The following CDH13 variants were observed in gnomAD, a reference collection of about 807,000 sequenced individuals.
The protein encoded by CDH13 is cadherin 13, also known as cadherin-13.
In CDH13, 24 loss-of-function variants were observed where a neutral mutation model predicts 63.8. The observed-to-expected ratio is 0.38, with a 90% CI of 0.27 to 0.53. The LOEUF (loss-of-function observed/expected upper bound fraction) is 0.53. Among genes scored for constraint, CDH13 ranks in the 20% least tolerant of loss-of-function variants. The pLI, the probability that CDH13 is intolerant of heterozygous loss-of-function variation, is 0.85. For missense variants in CDH13, 1,049 were observed against 903.1 expected, an observed-to-expected ratio of 1.16 and a Z score of -2.07; for synonymous variants, 503 against 355.3, an observed-to-expected ratio of 1.42 and a Z score of -4.67.
chr16:83,621,052 A>G lies in CDH13; in HGVS notation c.1101+18458A>G, dbSNP rs199943662. On this transcript the variant is annotated intron_variant, in intron 8 of 13. Transcript: ENST00000567109. ...CACGCCCTCGAGCCCTCCTCCTGCCAGCACTGAGACAGGTACCATGATCGT... is the reference window on the plus strand; with the variant it reads ...CACGCCCTCGAGCCCTCCTCCTGCCGGCACTGAGACAGGTACCATGATCGT... 2.0e-5 allele frequency among the ~76,000 whole-genome samples: 3 copies of G among 152,274 alleles called. No homozygotes were observed. In the East Asian group the frequency reaches 5.8e-4, roughly 29 times the overall value.
chr16:83,766,915 G>C (rs1449689701), intron 11 of CDH13, among the ~76,000 whole-genome samples: 1 of 152,126 alleles, frequency 6.6e-6, no homozygotes, highest in African/African-American at 2.4e-5. Context: ...ACTCTGTGCT[G>C]CCACCCTGTG....
intron 2 of CDH13, among the ~76,000 whole-genome samples, chr16:83,029,018 T>A (rs1916071067): frequency 6.6e-6 from 1 of 152,226 alleles, no homozygotes; most frequent in African/African-American, 2.4e-5. Flanking sequence ...AGCCTCAGTT[T>A]CCTTATCTAG....
intron 2 of CDH13, among the ~76,000 whole-genome samples, chr16:82,885,098 C>G (rs966414520): frequency 6.6e-6 from 1 of 152,162 alleles, no homozygotes; most frequent in African/African-American, 2.4e-5. Flanking sequence ...TTGTTCAGCT[C>G]TTGTTCTACC....
chr16:82,976,648 C>G (rs1344744641), intron 2 of CDH13, among the ~76,000 whole-genome samples: 1 of 152,134 alleles, frequency 6.6e-6, no homozygotes, highest in African/African-American at 2.4e-5. Context: ...TGCAGATGTG[C>G]AAATGGTGGA....
chr16:83,258,991 T>C (rs541824043), intron 5 of CDH13, among the ~76,000 whole-genome samples: 1 of 152,314 alleles, frequency 6.6e-6, no homozygotes, highest in Admixed American at 6.5e-5. Context: ...AAAGGAGGCT[T>C]GTGTGCTATG....
At chr16:83,068,946 T>C (rs1189731411) in intron 3 of CDH13, among the ~76,000 whole-genome samples, 1 of 152,174 alleles carries the variant, frequency 6.6e-6, no homozygotes, top group East Asian at 1.9e-4. Context: ...ATGTTTTCAC[T>C]ATGAAGGTTT....
chr16:83,392,528 T>C (rs2091808287), intron 6 of CDH13, among the ~76,000 whole-genome samples: 1 of 152,200 alleles, frequency 6.6e-6, no homozygotes, highest in South Asian at 2.1e-4. Context: ...AAACTGTTTC[T>C]TTGTGACCAC....
chr16:83,505,368 G>C (rs2074371697), intron 7 of CDH13, among the ~76,000 whole-genome samples: 1 of 151,996 alleles, frequency 6.6e-6, no homozygotes, highest in African/African-American at 2.4e-5. Context: ...ATCTTGAAAG[G>C]CCAGTGGAAA....
chr16:83,657,022 A>G (rs968355799), intron 8 of CDH13, among the ~76,000 whole-genome samples: 3 of 152,210 alleles, frequency 2.0e-5, no homozygotes, highest in South Asian at 2.1e-4. Context: ...CTTCAGGTAC[A>G]GTAAACTCAG....
intron 7 of CDH13, among the ~76,000 whole-genome samples, chr16:83,492,678 A>G (rs774953783): frequency 2.4e-4 from 36 of 152,242 alleles, no homozygotes; most frequent in Admixed American, 4.6e-4. Context: ...AAAAGGCAGA[A>G]TGCTAAGTCC....
chr16:83,465,319 G>A (rs1277021880), intron 6 of CDH13, among the ~76,000 whole-genome samples: 2 of 152,198 alleles, frequency 1.3e-5, no homozygotes, highest in Non-Finnish European at 2.9e-5. Flanking sequence ...TGAGCTTCTA[G>A]AATTACAAGA....
intron 2 of CDH13, among the ~76,000 whole-genome samples, chr16:82,929,357 G>T (rs1468546283): frequency 6.6e-6 from 1 of 151,862 alleles, no homozygotes; most frequent in Non-Finnish European, 1.5e-5. Flanking sequence ...ACTACATGAG[G>T]ACACAATGAA....
At chr16:83,252,224 C>G (rs1905655034) in intron 5 of CDH13, among the ~76,000 whole-genome samples, 1 of 148,784 alleles carries the variant, frequency 6.7e-6, no homozygotes, top group South Asian at 2.1e-4. Flanking sequence ...TAAGATTTGA[C>G]TGGCATTTTT....
At chr16:83,252,110 A>G (rs1905625586) in intron 5 of CDH13, among the ~76,000 whole-genome samples, 1 of 73,906 alleles carries the variant, frequency 1.4e-5, no homozygotes, top group Non-Finnish European at 2.5e-5. Flanking sequence ...TATATTATAC[A>G]CACACACACA....
At chr16:83,124,090 G>T (rs553377675) in intron 3 of CDH13, among the ~76,000 whole-genome samples, 1 of 152,144 alleles carries the variant, frequency 6.6e-6, no homozygotes, top group Admixed American at 6.5e-5. Flanking sequence ...CTGTCACCCA[G>T]GATGGAGTTC....
chr16:83,799,893 A>T lies in CDH13; in HGVS notation c.*4863A>T, dbSNP rs983098631. ...ACAAGACATGGAGAGACAGCAAAAAATGGTGGGAATGGGTGTGTGTATGAG... is the reference window on the plus strand; with the variant it reads ...ACAAGACATGGAGAGACAGCAAAAATTGGTGGGAATGGGTGTGTGTATGAG... On this transcript the variant is annotated 3_prime_UTR_variant, in exon 14 of 14. Coordinates refer to ENST00000567109, the MANE Select transcript of CDH13 (RefSeq NM_001257.5). The T allele has an allele frequency of 6.6e-6, 1 of 152,182 alleles. No individual in the cohort carries two copies. Among genetic ancestry groups the T allele is most frequent in the African/African-American group, 2.4e-5 (1 of 41,442 alleles). The allele number at this position is 152,182 out of a possible 1,614,324, so 9.4% of individuals were successfully genotyped here.
intron 6 of CDH13, among the ~76,000 whole-genome samples, chr16:83,442,889 A>G (rs2072522013): frequency 1.3e-5 from 2 of 152,232 alleles, no homozygotes; most frequent in East Asian, 1.9e-4. Context: ...GTCAAATGCT[A>G]TTATTTACTG....
Position 83,171,632 on chromosome 16 carries a change from A to G in CDH13, c.484-45713A>G, listed in dbSNP as rs1469143062. The G allele has an allele frequency of 1.1e-5, 15 of 1,312,240 alleles. No homozygotes were observed. The East Asian group carries it at 1.5e-4, about 13-fold the overall frequency. 81.3% of individuals were successfully genotyped at this position (1,312,240 alleles called of 1,614,324 possible). A position where few individuals can be genotyped will look rare whatever the true frequency, so the allele number is the denominator to read the frequency against. On this transcript the variant is annotated intron_variant, in intron 4 of 13. Transcript: ENST00000567109. ...CTTCATTTCCTTGTTTGTGTCTCCA[A>G]TTTCCTATATGCCATCAGGGGATTT...
intron 8 of CDH13, among the ~76,000 whole-genome samples, chr16:83,660,790 C>A (rs1243885799): frequency 6.6e-6 from 1 of 152,214 alleles, no homozygotes; most frequent in Non-Finnish European, 1.5e-5. Context: ...CTCTGCTTCT[C>A]CGAATTAAAC....
Sources: gnomAD v4.1 joint callset for allele counts (sites outside exome capture counted in the v4.1 genomes callset) on GRCh38, gnomAD v4.1.1 for gene constraint, MANE v1.5 for transcripts, NCBI Gene and HGNC (gene_info 2026-07-23, HGNC 2026-07-21) for gene names.